Variants in DNAI7 observed in about 807,000 individuals in gnomAD.
DNAI7 encodes cancer susceptibility 1.
A neutral mutation model predicts 86.6 loss-of-function variants in DNAI7; 78 were observed. The ratio of observed to expected loss-of-function variants is 0.90; its 90% CI spans 0.75 to 1.09. DNAI7 has a LOEUF of 1.09. Ranked by LOEUF, DNAI7 falls within the 50% of genes least tolerant of loss-of-function variation. The probability of loss-of-function intolerance (pLI) is 0.00; values close to 1 mark genes in which losing one functional copy is unlikely to be tolerated. For missense variants in DNAI7, 753 were observed against 810.2 expected (o/e 0.93, Z 0.86); for synonymous variants, 274 against 273.0 (o/e 1.00, Z -0.04).
At chr12:25,112,015 A>G (rs1938951399) in intron 13 of DNAI7, 76 bp from the exon 14 acceptor site, 2 of 891,232 alleles carry the variant, frequency 2.2e-6, no homozygotes, top group African/African-American at 3.4e-5. Context: ...TGCAGCCTTT[A>G]GATGCTTTAT....
chr12:25,168,353 C>T (rs1050790432), intron 2 of DNAI7, among the ~76,000 whole-genome samples: 1 of 152,118 alleles, frequency 6.6e-6, no homozygotes, highest in African/African-American at 2.4e-5. Flanking sequence ...CTGACACCGA[C>T]ACGACAAAAA....
At chr12:25,194,551 G>A (rs1181720267) in intron 1 of DNAI7, among the ~76,000 whole-genome samples, 1 of 152,192 alleles carries the variant, frequency 6.6e-6, no homozygotes, top group Non-Finnish European at 1.5e-5. Flanking sequence ...AAACATGGCA[G>A]TTGAGGAGTG....
intron 2 of DNAI7, among the ~76,000 whole-genome samples, chr12:25,169,605 T>C (rs897505801): frequency 7.9e-5 from 12 of 152,148 alleles, no homozygotes; most frequent in Non-Finnish European, 1.3e-4. Context: ...CCCAGCACTT[T>C]GGGAGGCCAA....
In DNAI7 at chr12:25,162,531, A is replaced by C. The variant is rs573835130; in HGVS notation, c.22-1334T>G. On this transcript the variant is annotated intron_variant, in intron 2 of 15. Transcript: ENST00000395987. The stretch of plus-strand genomic sequence containing the variant: ...AGAAGAGCACCATCTACATTTAAGA[A>C]GAATTCATAGAAAGAGTGGTTAATT... 7.9e-5 allele frequency among the ~76,000 whole-genome samples: 12 copies of C among 152,352 alleles called. No homozygotes were observed. In the East Asian group the frequency reaches 2.3e-3, roughly 29 times the overall value.
chr12:25,170,639 A>T (rs938381040), intron 2 of DNAI7, among the ~76,000 whole-genome samples: 15 of 152,214 alleles, frequency 9.9e-5, no homozygotes, highest in Admixed American at 8.5e-4. Flanking sequence ...CTTAACAGGT[A>T]TATACAGAAC....
At position 25,190,603 on chromosome 12, in the gene DNAI7, A is replaced by T; in HGVS notation, c.21+11T>A. On this transcript the variant is annotated intron_variant, in intron 2 of 15. Transcript: ENST00000395987. ...TATACAACTATCTATTTTGAAAAAAATTCTACATACCTTTTTTGCTTTGGG... is the reference window on the plus strand; with the variant it reads ...TATACAACTATCTATTTTGAAAAAATTTCTACATACCTTTTTTGCTTTGGG... 1.5e-6 allele frequency: 2 copies of T among 1,349,520 alleles called. No homozygotes were observed. The highest frequency in any genetic ancestry group is 2.0e-6 in the Non-Finnish European group (2 of 980,332). 83.6% of individuals were successfully genotyped at this position (1,349,520 alleles called of 1,614,324 possible).
At chr12:25,130,580 AT>A (rs1942784339) in intron 9 of DNAI7, among the ~76,000 whole-genome samples, 1 of 138,984 alleles carries the variant, frequency 7.2e-6, no homozygotes, top group Non-Finnish European at 1.6e-5. Context: ...ATAAAATAAA[AT>A]AAAATAAAAT....
chr12:25,169,161 A>C (rs1227472639), intron 2 of DNAI7, among the ~76,000 whole-genome samples: 1 of 152,206 alleles, frequency 6.6e-6, no homozygotes, highest in African/African-American at 2.4e-5. Flanking sequence ...GTGCACGTAC[A>C]CATCCAGATG....
intron 9 of DNAI7, among the ~76,000 whole-genome samples, chr12:25,127,545 A>G (rs1232900261): frequency 6.6e-6 from 1 of 152,220 alleles, no homozygotes; most frequent in Non-Finnish European, 1.5e-5. Flanking sequence ...GATTTAAAGT[A>G]AATAACAATT....
chr12:25,124,060 G>GTGTGTGTGTGTGTGTGTGTGTGTGTT, intron 9 of DNAI7, among the ~76,000 whole-genome samples: 1 of 151,850 alleles, frequency 6.6e-6, no homozygotes, highest in Admixed American at 6.6e-5. Context: ...GTGTGTGTGT[G>GTGTGTGTGTGTGTGTGTGTGTGTGTT]TGCTAATACT....
Position 25,195,115 on chromosome 12 carries a change from G to A in DNAI7, c.-37C>T. On this transcript the variant is annotated 5_prime_UTR_variant, in exon 1 of 16. Coordinates refer to ENST00000395987, the MANE Select transcript of DNAI7 (RefSeq NM_018272.5). Reference sequence around the variant, plus strand: ...CTCCACTGCAGTAGTCCGCAGAGTCGGAGCAGAAATTGTGTGGACAAACGC... The same window carrying A: ...CTCCACTGCAGTAGTCCGCAGAGTCAGAGCAGAAATTGTGTGGACAAACGC... 2.5e-6 allele frequency: 4 copies of A among 1,608,536 alleles called. No homozygotes were observed. Among genetic ancestry groups the A allele is most frequent in the Non-Finnish European group, 3.4e-6 (4 of 1,174,984 alleles).
In DNAI7 at chr12:25,108,456, G is replaced by A. The variant is rs1436395896; in HGVS notation, c.*92C>T. ...AAATTTTTAATAGTTGATTTGAAATGTATTCATTCACTCATTACATTGTGT... is the reference window on the plus strand; with the variant it reads ...AAATTTTTAATAGTTGATTTGAAATATATTCATTCACTCATTACATTGTGT... On this transcript the variant is annotated 3_prime_UTR_variant, in exon 16 of 16. Coordinates refer to ENST00000395987, the MANE Select transcript of DNAI7 (RefSeq NM_018272.5). The A allele has an allele frequency of 9.6e-7, 1 of 1,046,758 alleles. No homozygotes were observed. Among genetic ancestry groups the A allele is most frequent in the African/African-American group, 1.6e-5 (1 of 62,174 alleles). The allele number at this position is 1,046,758 out of a possible 1,614,324, so 64.8% of individuals were successfully genotyped here. A position where few individuals can be genotyped will look rare whatever the true frequency, so the allele number is the denominator to read the frequency against.
At chr12:25,175,086 C>G (rs1420495785) in intron 2 of DNAI7, among the ~76,000 whole-genome samples, 1 of 151,898 alleles carries the variant, frequency 6.6e-6, no homozygotes, top group African/African-American at 2.4e-5. Flanking sequence ...AACCAAATAC[C>G]ACCTGTACCT....
At chr12:25,162,976 C>A (rs1947000889) in intron 2 of DNAI7, among the ~76,000 whole-genome samples, 2 of 152,224 alleles carry the variant, frequency 1.3e-5, no homozygotes, top group Non-Finnish European at 2.9e-5. Context: ...AACCAGCAAT[C>A]CCAAGAGGAC....
intron 12 of DNAI7, among the ~76,000 whole-genome samples, chr12:25,116,961 G>GTCTCAC (rs947346073): frequency 6.6e-6 from 1 of 152,002 alleles, no homozygotes; most frequent in Non-Finnish European, 1.5e-5. Flanking sequence ...TTGAGACAGG[G>GTCTCAC]TCTCACTCTG....
At chr12:25,169,072 T>C (rs2141121996) in intron 2 of DNAI7, among the ~76,000 whole-genome samples, 1 of 152,282 alleles carries the variant, frequency 6.6e-6, no homozygotes, top group Non-Finnish European at 1.5e-5. Flanking sequence ...CACTATTTCA[T>C]TTTATTTTTC....
chr12:25,148,171 T>A (rs2140901091), intron 7 of DNAI7, among the ~76,000 whole-genome samples: 1 of 152,318 alleles, frequency 6.6e-6, no homozygotes, highest in Middle Eastern at 3.4e-3. Flanking sequence ...TGTAGAACTG[T>A]CCCATATTGT....
chr12:25,161,217 TA>T lies in DNAI7; in HGVS notation c.22-21del. ...GCCAGACTTAACAAAGGCCACATCA[TA>T]AAAAAGGCTATTAACATGCAAGTTA... On this transcript the variant is annotated intron_variant, in intron 2 of 15. Transcript: ENST00000395987. 1 of 1,594,800 alleles carries T rather than the reference TA, an allele frequency of 6.3e-7. No homozygotes were observed. Among genetic ancestry groups the T allele is most frequent in the Non-Finnish European group, 8.6e-7 (1 of 1,163,316 alleles).
chr12:25,128,221 G>T (rs1240480510), intron 9 of DNAI7, among the ~76,000 whole-genome samples: 2 of 152,134 alleles, frequency 1.3e-5, no homozygotes, highest in Admixed American at 1.3e-4. Flanking sequence ...GAAATTCATT[G>T]ATCTGAAATA....
Sources: allele counts gnomAD v4.1 joint callset (sites outside exome capture counted in the v4.1 genomes callset), GRCh38; gene constraint gnomAD v4.1.1; transcripts MANE v1.5; gene names NCBI Gene and HGNC (gene_info 2026-07-23, HGNC 2026-07-21).